The following ITIH2 variants were observed in gnomAD, a reference collection of about 807,000 sequenced individuals.
The protein encoded by ITIH2 is inter-alpha-trypsin inhibitor heavy chain H2.
A neutral mutation model predicts 104.4 loss-of-function variants in ITIH2; 103 were observed. The observed-to-expected ratio is 0.99, with a 90% CI of 0.84 to 1.16. The LOEUF (loss-of-function observed/expected upper bound fraction) is 1.16. Among genes scored for constraint, ITIH2 ranks in the 50% most tolerant of loss-of-function variants. The pLI, the probability that ITIH2 is intolerant of heterozygous loss-of-function variation, is 0.00. For synonymous variants in ITIH2, 436 were observed against 435.4 expected, an observed-to-expected ratio of 1.00 and a Z score of -0.02; for missense variants, 1,108 against 1,162.4, an observed-to-expected ratio of 0.95 and a Z score of 0.68.
rs760264173 is a variant in ITIH2 at position 7,743,185 on chromosome 10, G to A, written c.2135G>A (p.Ser712Asn). The change falls in exon 17 of 21, where the codon AGC becomes AAC. Residue 712 changes from serine (S) to asparagine (N), a missense_variant. Ser to Asn is a conservative substitution (Grantham distance 46, BLOSUM62 1). Transcript: ENST00000358415. ...DPHFIIYLPKSQKNICFNIDS... is the reference protein window; with the variant it reads ...DPHFIIYLPKNQKNICFNIDS... ...CATTTCATCATTTATCTACCAAAAAGCCAAAAGAACATTTGTTTCAATATT... is the reference window on the plus strand; with the variant it reads ...CATTTCATCATTTATCTACCAAAAAACCAAAAGAACATTTGTTTCAATATT... 1.2e-5 allele frequency: 19 copies of A among 1,589,654 alleles called. No individual in the cohort carries two copies. Among genetic ancestry groups the A allele is most frequent in the Non-Finnish European group, 1.5e-5 (17 of 1,169,306 alleles).
chr10:7,735,620 T>C (rs1835047324), intron 15 of ITIH2, among the ~76,000 whole-genome samples: 1 of 152,062 alleles, frequency 6.6e-6, no homozygotes, highest in African/African-American at 2.4e-5. Flanking sequence ...ATTGACCTTT[T>C]AAAATAAAAC....
At chr10:7,743,706 G>A (rs190927422) in intron 17 of ITIH2, among the ~76,000 whole-genome samples, 12 of 152,120 alleles carry the variant, frequency 7.9e-5, no homozygotes, top group African/African-American at 2.9e-4. Context: ...GCTTGAACCC[G>A]GGAGGTGGAG....
At chr10:7,740,121 G>A (rs910720478) in intron 16 of ITIH2, among the ~76,000 whole-genome samples, 11 of 152,040 alleles carry the variant, frequency 7.2e-5, no homozygotes, top group Non-Finnish European at 1.6e-4. Flanking sequence ...GGGAGGCGGA[G>A]GTTGTAGTGA....
rs751293779 is a variant in ITIH2 at position 7,717,621 on chromosome 10, T to C, written c.468-5T>C. The stretch of plus-strand genomic sequence containing the variant: ...TTGACTTTTGTTGGGGGCTTTCACC[T>C]TTAGGAGCAGCGCTCTTGATATGGA... On this transcript the variant is annotated splice_region_variant and splice_polypyrimidine_tract_variant and intron_variant, in intron 5 of 20. Coordinates refer to ENST00000358415, the MANE Select transcript of ITIH2 (RefSeq NM_002216.3). 1.2e-6 allele frequency: 2 copies of C among 1,612,176 alleles called. No individual in the cohort carries two copies. The highest frequency in any genetic ancestry group is 1.7e-6 in the Non-Finnish European group (2 of 1,178,426).
chr10:7,709,301 G>C, intron 4 of ITIH2, 110 bp downstream of exon 4: 1 of 901,478 alleles, frequency 1.1e-6, no homozygotes, highest in Non-Finnish European at 1.8e-6. Flanking sequence ...AGGACCGGCT[G>C]GATGTCAAGG....
intron 8 of ITIH2, among the ~76,000 whole-genome samples, chr10:7,722,014 A>C (rs556515691): frequency 9.9e-5 from 15 of 152,272 alleles, no homozygotes; most frequent in African/African-American, 3.6e-4. Flanking sequence ...CCTGGGCCTC[A>C]TGTGAAGAAC....
intron 9 of ITIH2, 28 bp from the exon 10 acceptor site, chr10:7,726,922 G>T: frequency 2.6e-6 from 4 of 1,538,722 alleles, no homozygotes; most frequent in Non-Finnish European, 3.5e-6. Context: ...TCTGTAATGG[G>T]ACCTGTCTTT....
intron 15 of ITIH2, 120 bp from the exon 16 acceptor site, chr10:7,738,491 GAATAAAAACA>G: frequency 1.0e-6 from 1 of 999,940 alleles, no homozygotes; most frequent in Non-Finnish European, 1.5e-6. Flanking sequence ...GAGAACTCTG[GAATAAAAACA>G]GAGGAGAAAA....
chr10:7,703,749 G>A lies in ITIH2; in HGVS notation c.84+231G>A, dbSNP rs116875558. Among the ~76,000 whole-genome samples the A allele has an allele frequency of 5.6e-4, 86 of 152,304 alleles. 1 individual carries two copies. Among genetic ancestry groups the A allele is most frequent in the Middle Eastern group, 6.8e-3 (2 of 294 alleles). On this transcript the variant is annotated intron_variant, in intron 1 of 20. Coordinates refer to ENST00000358415, the MANE Select transcript of ITIH2 (RefSeq NM_002216.3). The stretch of plus-strand genomic sequence containing the variant: ...AAGATCAATGGGCAGGCATCAGAGC[G>A]TAGCATTTATGGAGCAGAGCTGCTC...
At position 7,741,991 on chromosome 10, in the gene ITIH2, T is replaced by TG. The variant is rs201626762; in HGVS notation, c.2096-1149dup. On this transcript the variant is annotated intron_variant, in intron 16 of 20. Transcript: ENST00000358415. The stretch of plus-strand genomic sequence containing the variant: ...CCTCCATTCAGCCTTGCTGTTTGCC[T>TG]GGGGGGCACTAATCATTTTCATCTT... Among the ~76,000 whole-genome samples, 1,412 of 152,294 alleles carry TG rather than the reference T, an allele frequency of 9.3e-3. 28 individuals are homozygous for TG. The highest frequency in any genetic ancestry group is 0.032 in the African/African-American group (1,348 of 41,554).
At chr10:7,709,638 CTGACAAGTGTGTGA>C (rs1468386070) in intron 4 of ITIH2, among the ~76,000 whole-genome samples, 1 of 152,112 alleles carries the variant, frequency 6.6e-6, no homozygotes, top group Non-Finnish European at 1.5e-5. Context: ...TATAACACCG[CTGACAAGTGTGTGA>C]TGATTTCCTT....
At chr10:7,740,127 A>G (rs1349862433) in intron 16 of ITIH2, among the ~76,000 whole-genome samples, 1 of 152,160 alleles carries the variant, frequency 6.6e-6, no homozygotes, top group Non-Finnish European at 1.5e-5. Context: ...CGGAGGTTGT[A>G]GTGAGCTGAG....
At position 7,749,206 on chromosome 10, in the gene ITIH2, A is replaced by C. The variant is rs761616110; in HGVS notation, c.2713A>C (p.Arg905=). Residue 905 remains arginine, a synonymous_variant, in exon 21 of 21, where the codon AGA becomes CGA. Coordinates refer to ENST00000358415, the MANE Select transcript of ITIH2 (RefSeq NM_002216.3). ...IITRGLQKDY[R]TDLVFGTDVT... ...TTGCAGGGGCTTACAGAAAGACTAC[A>C]GAACGGATCTAGTGTTTGGAACGGA... 3.1e-6 allele frequency: 5 copies of C among 1,614,068 alleles called. No individual in the cohort carries two copies. The African/African-American group carries it at 4.0e-5, about 13-fold the overall frequency.
chr10:7,719,744 A>G (rs1471582153), intron 6 of ITIH2, among the ~76,000 whole-genome samples: 5 of 139,778 alleles, frequency 3.6e-5, no homozygotes, highest in African/African-American at 1.4e-4. Flanking sequence ...CTGGATGGCA[A>G]AATGAGACCC....
chr10:7,730,051 A>T lies in ITIH2; in HGVS notation c.1379A>T (p.Asp460Val), dbSNP rs775855581. 49 of 1,613,158 alleles carry T rather than the reference A, an allele frequency of 3.0e-5. No homozygotes were observed. The highest frequency in any genetic ancestry group is 3.6e-5 in the Non-Finnish European group (42 of 1,179,290). Reference protein sequence around the residue: ...SLGMGFDVDYDFLKRLSNENH... With the variant: ...SLGMGFDVDYVFLKRLSNENH... ...GGCATGGGATTTGATGTGGACTATG[A>T]TTTTTTGAAGAGACTGTCCAATGAA... The change falls in exon 12 of 21, where the codon GAT (aspartate) becomes GTT (valine). Residue 460 changes from aspartate to valine, a missense_variant. Transcript: ENST00000358415.
chr10:7,738,981 C>A (rs1835099548), intron 16 of ITIH2, among the ~76,000 whole-genome samples: 1 of 152,194 alleles, frequency 6.6e-6, no homozygotes, highest in Non-Finnish European at 1.5e-5. Context: ...TTTAAAAAAA[C>A]CTTTCTGCAA....
In ITIH2 at chr10:7,749,217, A is replaced by G; in HGVS notation, c.2724A>G (p.Leu908=). Residue 908 remains leucine, a synonymous_variant, in exon 21 of 21, where the codon CTA becomes CTG. Transcript: ENST00000358415. ...TACAGAAAGACTACAGAACGGATCTAGTGTTTGGAACGGACGTTACCTGCT... is the reference window on the plus strand; with the variant it reads ...TACAGAAAGACTACAGAACGGATCTGGTGTTTGGAACGGACGTTACCTGCT... ...RGLQKDYRTD[L]VFGTDVTCWF... is the part of the protein sequence containing the mutation. The G allele has an allele frequency of 6.2e-7, 1 of 1,614,142 alleles. No homozygotes were observed. The highest frequency in any genetic ancestry group is 8.5e-7 in the Non-Finnish European group (1 of 1,180,024).
At chr10:7,740,966 C>T (rs184660660) in intron 16 of ITIH2, among the ~76,000 whole-genome samples, 3 of 152,260 alleles carry the variant, frequency 2.0e-5, no homozygotes, top group Non-Finnish European at 4.4e-5. Context: ...CATGATGCTT[C>T]GTTTCTGTTG....
rs951357705 is a variant in ITIH2 at position 7,743,528 on chromosome 10, C to T, written c.2209+269C>T. 9.2e-5 allele frequency among the ~76,000 whole-genome samples: 14 copies of T among 152,166 alleles called. No individual in the cohort carries two copies. In the East Asian group the frequency reaches 2.7e-3, roughly 29 times the overall value. ...GTGGCTTACACATGCAATCCCAGCA[C>T]TTTGGGAGGCCGAGGTGGGCGGATC... On this transcript the variant is annotated intron_variant, in intron 17 of 20. Transcript: ENST00000358415.
Sources: allele counts gnomAD v4.1 joint callset (sites outside exome capture counted in the v4.1 genomes callset), GRCh38; gene constraint gnomAD v4.1.1; transcripts MANE v1.5; gene names NCBI Gene and HGNC (gene_info 2026-07-23, HGNC 2026-07-21).